MTA3: variants seen among roughly 807,000 people sequenced by gnomAD.
MTA3 encodes metastasis associated 1 family member 3, also known as metastasis-associated protein MTA3.
MTA3 carries 34 observed loss-of-function variants against 83.5 expected under a neutral mutation model. The observed-to-expected ratio is 0.41, with a 90% CI of 0.31 to 0.54. The LOEUF (loss-of-function observed/expected upper bound fraction) is 0.54. MTA3 is among the 20% of genes least tolerant of loss of function. MTA3 has a pLI of 0.33. For missense variants in MTA3, 761 were observed against 726.4 expected (o/e 1.05, Z -0.55); for synonymous variants, 303 against 252.7 (o/e 1.20, Z -1.89).
At position 42,549,246 on chromosome 2, in the gene MTA3, ATATAT is replaced by A. The variant is rs1297921138; in HGVS notation, c.-140-21185_-140-21181del. 4.3e-4 allele frequency among the ~76,000 whole-genome samples: 51 copies of A among 119,342 alleles called. No homozygotes were observed. In the South Asian group the frequency reaches 5.0e-3, roughly 12 times the overall value. The allele number at this position is 119,342 out of a possible 152,430, so 78.3% of individuals were successfully genotyped here. A position where few individuals can be genotyped will look rare whatever the true frequency, so the allele number is the denominator to read the frequency against. On this transcript the variant is annotated intron_variant, in intron 2 of 17. Coordinates refer to the MTA3 transcript ENST00000405592. Reference sequence around the variant, plus strand: ...TATATTATATATGTATACGTATATAATATATTATATATTATATACGTGTACGTATA... The same window carrying A: ...TATATTATATATGTATACGTATATAATATATATTATATACGTGTACGTATA...
intron 2 of MTA3, among the ~76,000 whole-genome samples, chr2:42,576,014 A>G (rs932399172): frequency 3.9e-5 from 6 of 152,172 alleles, no homozygotes; most frequent in African/African-American, 7.2e-5. Context: ...AAATATTTAC[A>G]TAGGGTCTTT....
intron 5 of MTA3, among the ~76,000 whole-genome samples, chr2:42,640,761 C>T (rs1687624314): frequency 1.3e-5 from 2 of 152,092 alleles, no homozygotes; most frequent in Admixed American, 6.6e-5. Context: ...TTTTTATAAG[C>T]AGAATATTCC....
At chr2:42,582,349 C>T (rs1372784831) in intron 3 of MTA3, among the ~76,000 whole-genome samples, 2 of 152,172 alleles carry the variant, frequency 1.3e-5, no homozygotes, top group Non-Finnish European at 2.9e-5. Context: ...TGAGCCACTG[C>T]GCCCAGCCCG....
intron 3 of MTA3, among the ~76,000 whole-genome samples, chr2:42,586,168 T>C (rs1680254591): frequency 6.6e-6 from 1 of 151,432 alleles, no homozygotes; most frequent in African/African-American, 2.4e-5. Context: ...TTCCAGCTGC[T>C]TGGGAGGCTG....
intron 2 of MTA3, among the ~76,000 whole-genome samples, chr2:42,575,503 A>G (rs1040789070): frequency 2.6e-5 from 4 of 152,224 alleles, no homozygotes; most frequent in Admixed American, 6.5e-5. Context: ...TTTTACAAAT[A>G]AAATTGAGGA....
intron 4 of MTA3, among the ~76,000 whole-genome samples, chr2:42,611,109 G>A (rs1466980181): frequency 5.3e-5 from 8 of 151,422 alleles, no homozygotes; most frequent in Admixed American, 4.6e-4. Flanking sequence ...AGCCTTCCGA[G>A]TAGCTGGGAT....
At chr2:42,498,359 G>C (rs1674239791) in intron 2 of MTA3, among the ~76,000 whole-genome samples, 1 of 152,206 alleles carries the variant, frequency 6.6e-6, no homozygotes, top group Non-Finnish European at 1.5e-5. Context: ...CACCAGGATG[G>C]CTGAATGGTA....
chr2:42,708,182 C>G, intron 13 of MTA3, 128 bp downstream of exon 13: 1 of 919,998 alleles, frequency 1.1e-6, no homozygotes, highest in Non-Finnish European at 1.5e-6. Context: ...AAACGTAGCA[C>G]TACAATATTC....
intron 5 of MTA3, among the ~76,000 whole-genome samples, chr2:42,640,770 C>G (rs1687624985): frequency 6.6e-6 from 1 of 152,112 alleles, no homozygotes; most frequent in African/African-American, 2.4e-5. Context: ...GCAGAATATT[C>G]CATGGTATGC....
chr2:42,550,742 T>C (rs914394042), intron 2 of MTA3, among the ~76,000 whole-genome samples: 10 of 152,068 alleles, frequency 6.6e-5, no homozygotes, highest in South Asian at 2.1e-4. Context: ...AATGAAGATA[T>C]TAAAATTCAT....
intron 2 of MTA3, among the ~76,000 whole-genome samples, chr2:42,562,072 T>A (rs978029055): frequency 1.3e-5 from 2 of 152,126 alleles, no homozygotes; most frequent in Non-Finnish European, 2.9e-5. Flanking sequence ...ACTCCTTGGT[T>A]TGTAGCTGCA....
intron 12 of MTA3, among the ~76,000 whole-genome samples, chr2:42,707,303 G>T (rs1666185603): frequency 6.6e-6 from 1 of 151,880 alleles, no homozygotes; most frequent in Non-Finnish European, 1.5e-5. Context: ...GAGTGCAGTG[G>T]CGTGATCTCA....
At chr2:42,507,404 G>C (rs571458367) in intron 2 of MTA3, among the ~76,000 whole-genome samples, 108 of 151,532 alleles carry the variant, frequency 7.1e-4, no homozygotes, top group African/African-American at 2.5e-3. Flanking sequence ...AACTCATGCA[G>C]TCCTCCCACC....
intron 3 of MTA3, among the ~76,000 whole-genome samples, chr2:42,590,226 T>C (rs1319261269): frequency 1.3e-5 from 2 of 152,152 alleles, no homozygotes; most frequent in African/African-American, 4.8e-5. Flanking sequence ...ATCCCTGGTG[T>C]TGGAGGTGGG....
intron 2 of MTA3, among the ~76,000 whole-genome samples, chr2:42,505,729 G>C (rs1674599107): frequency 6.6e-6 from 1 of 151,898 alleles, no homozygotes. Context: ...AGGGCAAGTG[G>C]GTGGGAATAT....
chr2:42,705,234 A>T (rs1330684344), intron 12 of MTA3, among the ~76,000 whole-genome samples: 1 of 152,208 alleles, frequency 6.6e-6, no homozygotes, highest in Non-Finnish European at 1.5e-5. Context: ...TTTTTGCAGC[A>T]TGGGAGCACA....
chr2:42,630,537 A>G (rs908558831), intron 4 of MTA3, among the ~76,000 whole-genome samples: 23 of 152,150 alleles, frequency 1.5e-4, no homozygotes, highest in African/African-American at 5.1e-4. Context: ...TGATGCTTTT[A>G]TGTTGTGCTT....
At chr2:42,624,530 T>C (rs188536688) in intron 4 of MTA3, among the ~76,000 whole-genome samples, 3 of 152,096 alleles carry the variant, frequency 2.0e-5, no homozygotes, top group Admixed American at 2.0e-4. Flanking sequence ...CATTTTGCAT[T>C]TTGGCCAGGC....
At chr2:42,499,273 T>C (rs1481499269) in intron 2 of MTA3, among the ~76,000 whole-genome samples, 1 of 151,626 alleles carries the variant, frequency 6.6e-6, no homozygotes, top group Non-Finnish European at 1.5e-5. Flanking sequence ...GTTCAAGCGA[T>C]TCTCCTGCCT....
Sources: allele counts gnomAD v4.1 joint callset (sites outside exome capture counted in the v4.1 genomes callset), GRCh38; gene constraint gnomAD v4.1.1; transcripts MANE v1.5; gene names NCBI Gene and HGNC (gene_info 2026-07-23, HGNC 2026-07-21).